Variants in CT55 observed in about 807,000 individuals in gnomAD.
CT55 encodes cancer/testis antigen 55.
Under a neutral mutation model 12.6 loss-of-function variants are expected in CT55, and 1 was observed. That is an observed-to-expected ratio of 0.08 (90% CI 0.03 to 0.38). The LOEUF is 0.38. Ranked by LOEUF, CT55 falls within the 10% of genes least tolerant of loss-of-function variation. CT55 has a pLI of 0.99. For synonymous variants in CT55, 43 were observed against 49.7 expected (o/e 0.87, Z 0.57); for missense variants, 109 against 135.4 (o/e 0.80, Z 0.97).
intron 3 of CT55, among the ~76,000 whole-genome samples, chrX:135,158,552 T>G (rs1474182093): frequency 8.9e-6 from 1 of 112,503 alleles, no homozygotes; most frequent in Non-Finnish European, 1.9e-5. Flanking sequence ...GAAGCATGCA[T>G]CACAGCCAAT....
Position 135,171,218 on chromosome X carries a change from A to C in CT55, c.-47T>G, listed in dbSNP as rs782435996. The C allele has an allele frequency of 8.3e-7, 1 of 1,204,848 alleles. No homozygotes were observed. The highest frequency in any genetic ancestry group is 1.1e-6 in the Non-Finnish European group (1 of 892,187). ...CCTGGGCACCGCTTGTGGCAGATGA[A>C]GCACGAGGCCTCCTCAGTAAGGGAA... On this transcript the variant is annotated 5_prime_UTR_variant, in exon 1 of 6. Coordinates refer to ENST00000276241, the MANE Select transcript of CT55 (RefSeq NM_001031705.3).
At chrX:135,165,793 C>A (rs1281421805) in intron 2 of CT55, among the ~76,000 whole-genome samples, 1 of 109,674 alleles carries the variant, frequency 9.1e-6, no homozygotes, top group African/African-American at 3.3e-5. Flanking sequence ...TATGAACAAT[C>A]ATCTGCCTAC....
intron 2 of CT55, among the ~76,000 whole-genome samples, chrX:135,162,741 A>T (rs1338849408): frequency 9.0e-6 from 1 of 111,555 alleles, no homozygotes; most frequent in African/African-American, 3.3e-5. Context: ...TGACTCTCAG[A>T]TGGTACTTGT....
intron 1 of CT55, among the ~76,000 whole-genome samples, chrX:135,170,237 C>T (rs2083605087): frequency 9.0e-6 from 1 of 111,415 alleles, no homozygotes; most frequent in African/African-American, 3.3e-5. Flanking sequence ...CAGCTCCTGG[C>T]CTCAAGTGAT....
Position 135,165,042 on chromosome X carries a change from A to C in CT55, c.280-4487T>G, listed in dbSNP as rs1360294852. On this transcript the variant is annotated intron_variant, in intron 2 of 5. Transcript: ENST00000276241. ...ATTGTCCCGACAGAACATTGACCCC[A>C]CAAAAAGTGGGATTTATCTGCACTC... Among the ~76,000 whole-genome samples, 3 of 112,273 alleles carry C rather than the reference A, an allele frequency of 2.7e-5. No individual in the cohort carries two copies. The Admixed American group carries it at 2.8e-4, about 11-fold the overall frequency.
chrX:135,171,693 A>G (rs1169040041), upstream of CT55, among the ~76,000 whole-genome samples: 1 of 111,589 alleles, frequency 9.0e-6, no homozygotes, highest in Non-Finnish European at 1.9e-5. Flanking sequence ...CGTGGTGCTT[A>G]GCATAAGGAG....
chrX:135,161,620 A>C (rs1347971609), intron 2 of CT55, among the ~76,000 whole-genome samples: 1 of 112,336 alleles, frequency 8.9e-6, no homozygotes, highest in Admixed American at 9.4e-5. Flanking sequence ...TAGACATTTC[A>C]CTTGTGTCAT....
At chrX:135,166,156 C>A (rs1260888477) in intron 2 of CT55, among the ~76,000 whole-genome samples, 5 of 104,459 alleles carry the variant, frequency 4.8e-5, no homozygotes, top group African/African-American at 1.1e-4. Context: ...AAGAGAAAAC[C>A]AAAAAAAACT....
Position 135,160,113 on chromosome X carries a change from G to A in CT55, c.424+298C>T, listed in dbSNP as rs552373114. 5.8e-4 allele frequency among the ~76,000 whole-genome samples: 65 copies of A among 111,885 alleles called. 1 individual carries two copies. In the South Asian group the frequency reaches 0.024, roughly 41 times the overall value. On this transcript the variant is annotated intron_variant, in intron 3 of 5. Coordinates refer to ENST00000276241, the MANE Select transcript of CT55 (RefSeq NM_001031705.3). ...GTCTTTGAAGGGTATTAAAAATAGTGTCTCTATGCACTTGTAGGATTGTTT... is the reference window on the plus strand; with the variant it reads ...GTCTTTGAAGGGTATTAAAAATAGTATCTCTATGCACTTGTAGGATTGTTT...
chrX:135,168,779 G>T (rs1254889500), intron 2 of CT55, among the ~76,000 whole-genome samples: 3 of 111,615 alleles, frequency 2.7e-5, no homozygotes, highest in Non-Finnish European at 5.7e-5. Context: ...ATAAAGCAAA[G>T]GAAAAAGATG....
chrX:135,159,235 C>G (rs1393852090), intron 3 of CT55, among the ~76,000 whole-genome samples: 1 of 110,212 alleles, frequency 9.1e-6, no homozygotes, highest in Non-Finnish European at 1.9e-5. Flanking sequence ...CTCTCTCTCT[C>G]TCTCTCTGAT....
intron 2 of CT55, among the ~76,000 whole-genome samples, chrX:135,164,230 C>A (rs1181930539): frequency 6.3e-5 from 7 of 111,807 alleles, no homozygotes; most frequent in Admixed American, 4.7e-4. Flanking sequence ...AAAATAAGTA[C>A]AATAATTTGT....
chrX:135,166,919 A>G (rs1420727958), intron 2 of CT55, among the ~76,000 whole-genome samples: 1 of 112,215 alleles, frequency 8.9e-6, no homozygotes, highest in Non-Finnish European at 1.9e-5. Context: ...AACACTGAAA[A>G]CTATAAACCA....
chrX:135,166,036 CAAAAAAAAAAAA>C (rs56051595), intron 2 of CT55, among the ~76,000 whole-genome samples: 47 of 36,061 alleles, frequency 1.3e-3, no homozygotes, highest in South Asian at 0.011. Flanking sequence ...AAACCTATTC[CAAAAAAAAAAAA>C]AAAAAAAAAA....
chrX:135,162,051 C>T (rs1365854192), intron 2 of CT55, among the ~76,000 whole-genome samples: 4 of 112,421 alleles, frequency 3.6e-5, no homozygotes, highest in Non-Finnish European at 7.5e-5. Context: ...AACACAACAG[C>T]CGGTACAAAT....
At chrX:135,165,844 C>T (rs1283747663) in intron 2 of CT55, among the ~76,000 whole-genome samples, 1 of 109,355 alleles carries the variant, frequency 9.1e-6, no homozygotes, top group African/African-American at 3.3e-5. Context: ...TTCCTGGACA[C>T]ATACAACCTA....
intron 2 of CT55, among the ~76,000 whole-genome samples, chrX:135,168,606 G>A (rs1271062835): frequency 9.0e-6 from 1 of 111,480 alleles, no homozygotes; most frequent in African/African-American, 3.3e-5. Context: ...GGGGGAGCAC[G>A]AAGAGCTTCC....
At chrX:135,160,588 A>G in intron 2 of CT55, 33 bp from the exon 3 acceptor site, 8 of 1,163,995 alleles carry the variant, frequency 6.9e-6, no homozygotes, top group Non-Finnish European at 9.1e-6. Flanking sequence ...TACTTCAAAA[A>G]CAATACAAAT....
chrX:135,163,906 T>C (rs1342847761), intron 2 of CT55, among the ~76,000 whole-genome samples: 1 of 110,618 alleles, frequency 9.0e-6, no homozygotes, highest in Non-Finnish European at 1.9e-5. Flanking sequence ...TAGTATAGTA[T>C]ACTTTAGGAA....
Sources: allele counts gnomAD v4.1 joint callset (sites outside exome capture counted in the v4.1 genomes callset), GRCh38; gene constraint gnomAD v4.1.1; transcripts MANE v1.5; gene names NCBI Gene and HGNC (gene_info 2026-07-23, HGNC 2026-07-21).